SDHD: variants seen among roughly 807,000 people sequenced by gnomAD.
The protein encoded by SDHD is succinate dehydrogenase [ubiquinone] cytochrome b small subunit, mitochondrial.
SDHD carries 6 observed loss-of-function variants against 18.7 expected under a neutral mutation model. The observed-to-expected ratio is 0.32, with a 90% CI of 0.18 to 0.63. The LOEUF (loss-of-function observed/expected upper bound fraction) is 0.63, where lower values mean the gene tolerates loss of function less well. Ranked by LOEUF, SDHD falls within the 30% of genes least tolerant of loss-of-function variation. SDHD has a pLI of 0.79. For missense variants in SDHD, 160 were observed against 192.7 expected (o/e 0.83, Z 1.00); for synonymous variants, 56 against 73.9 (o/e 0.76, Z 1.24).
At position 112,087,908 on chromosome 11, in the gene SDHD, T is replaced by C. The variant is rs11547892; in HGVS notation, c.104T>C (p.Leu35Pro). ...AGACCTGCTCATATCTCAGCATTTC[T>C]TCAGGACCGACCTATCCCAGAATGG... ...VVRPAHISAF[L>P]QDRPIPEWCG... The change falls in exon 2 of 4, where the codon CTT becomes CCT. Residue 35 changes from leucine to proline, a missense_variant. Leu to Pro is a moderately conservative substitution (Grantham distance 98). Transcript: ENST00000375549. 1 of 1,614,108 alleles carries C rather than the reference T, an allele frequency of 6.2e-7. No individual in the cohort carries two copies. Among genetic ancestry groups the C allele is most frequent in the African/African-American group, 1.3e-5 (1 of 75,050 alleles).
chr11:112,091,033 T>C, intron 3 of SDHD: 1 of 847,858 alleles, frequency 1.2e-6, no homozygotes, highest in Non-Finnish European at 1.4e-6. Flanking sequence ...TAGGACTGGT[T>C]AGGAGAATGA....
chr11:112,091,431 C>T (rs1865744095), intron 3 of SDHD, among the ~76,000 whole-genome samples: 1 of 152,218 alleles, frequency 6.6e-6, no homozygotes, highest in South Asian at 2.1e-4. Flanking sequence ...CCAGATCCTT[C>T]TCCTCTTGTC....
intron 3 of SDHD, among the ~76,000 whole-genome samples, chr11:112,090,294 A>G (rs1865720444): frequency 6.6e-6 from 1 of 151,500 alleles, no homozygotes; most frequent in Non-Finnish European, 1.5e-5. Context: ...TATTTTTAGT[A>G]GAGACGGGGT....
chr11:112,092,128 C>T (rs759345995), intron 3 of SDHD, among the ~76,000 whole-genome samples: 2 of 151,982 alleles, frequency 1.3e-5, no homozygotes, highest in Non-Finnish European at 2.9e-5. Context: ...GGATAAATAC[C>T]TAATGCACGC....
At chr11:112,093,483 A>G (rs1347651297) in intron 3 of SDHD, among the ~76,000 whole-genome samples, 2 of 152,138 alleles carry the variant, frequency 1.3e-5, no homozygotes, top group African/African-American at 4.8e-5. Context: ...GGTAATGAGA[A>G]TGTTCTGGAA....
At chr11:112,094,731 G>C in intron 3 of SDHD, 74 bp from the exon 4 acceptor site, 6 of 1,373,140 alleles carry the variant, frequency 4.4e-6, no homozygotes, top group South Asian at 1.2e-5. Context: ...TTTTTTTGCA[G>C]CCAAGTTATC....
At chr11:112,087,780 C>G (rs577862853) in intron 1 of SDHD, 77 bp from the exon 2 acceptor site, 270 of 894,098 alleles carry the variant, frequency 3.0e-4, no homozygotes, top group South Asian at 5.9e-4. Context: ...AAGTAGCTTA[C>G]CTATGGTCAT....
intron 2 of SDHD, 119 bp from the exon 3 acceptor site, chr11:112,088,748 C>A: frequency 9.1e-7 from 1 of 1,101,032 alleles, no homozygotes; most frequent in Non-Finnish European, 1.4e-6. Context: ...TTCCTTTGTA[C>A]TCAGAGTTAT....
At chr11:112,087,236 C>T (rs954757882) in intron 1 of SDHD, among the ~76,000 whole-genome samples, 1 of 152,100 alleles carries the variant, frequency 6.6e-6, no homozygotes, top group African/African-American at 2.4e-5. Flanking sequence ...GTTTTCTCCC[C>T]GTTCACTGTC....
At position 112,088,945 on chromosome 11, in the gene SDHD, C is replaced by T. The variant is rs370165653; in HGVS notation, c.248C>T (p.Ala83Val). ...SVLLLGLLPA[A>V]YLNPCSAMDY... is the part of the protein sequence containing the mutation. ...TTGCTCCTGGGTCTGCTTCCGGCTG[C>T]TTATTTGAATCCTTGCTCTGCGATG... is the stretch of plus-strand genomic sequence containing the variant. Residue 83 changes from alanine to valine, a missense_variant, in exon 3 of 4, where the codon GCT becomes GTT. Coordinates refer to ENST00000375549, the MANE Select transcript of SDHD (RefSeq NM_003002.4). 2 of 1,613,978 alleles carry T rather than the reference C, an allele frequency of 1.2e-6. No individual in the cohort carries two copies. Among genetic ancestry groups the T allele is most frequent in the Non-Finnish European group, 1.7e-6 (2 of 1,180,024 alleles).
rs201475331 is a variant in SDHD, at chr11:112,095,294, T to C, written c.*324T>C. 1.1e-4 allele frequency: 44 copies of C among 405,604 alleles called. No homozygotes were observed. The highest frequency in any genetic ancestry group is 8.3e-4 in the African/African-American group (42 of 50,648). The allele number at this position is 405,604 out of a possible 1,614,324, so 25.1% of individuals were successfully genotyped here. On this transcript the variant is annotated 3_prime_UTR_variant, in exon 4 of 4. Coordinates refer to ENST00000375549, the MANE Select transcript of SDHD (RefSeq NM_003002.4). The stretch of plus-strand genomic sequence containing the variant: ...TCAATCTCTTAAAGAGAATCCAACT[T>C]TATTACGATTAGTATATGATCAAAC...
At chr11:112,094,713 A>G (rs1213426154) in intron 3 of SDHD, 92 bp from the exon 4 acceptor site, 1 of 1,168,606 alleles carries the variant, frequency 8.6e-7, no homozygotes, top group African/African-American at 1.5e-5. Flanking sequence ...TTTGAACTTG[A>G]CAGATTGTTT....
In SDHD at chr11:112,094,895, C is replaced by A. The variant is rs1555187606; in HGVS notation, c.405C>A (p.Thr135=). Residue 135 remains threonine, a synonymous_variant, in exon 4 of 4, where the codon ACC becomes ACA. Coordinates refer to ENST00000375549, the MANE Select transcript of SDHD (RefSeq NM_003002.4). ...GGCTTTTGGCACTTTCAGCTTTAAC[C>A]TTTGCTGGGCTTTGCTATTTCAACT... ...KAGLLALSAL[T]FAGLCYFNYH... is the part of the protein sequence containing the mutation. The A allele has an allele frequency of 4.3e-6, 7 of 1,611,348 alleles. No individual in the cohort carries two copies. The highest frequency in any genetic ancestry group is 5.9e-6 in the Non-Finnish European group (7 of 1,179,362).
At chr11:112,091,884 T>C (rs1188381442) in intron 3 of SDHD, among the ~76,000 whole-genome samples, 1 of 152,192 alleles carries the variant, frequency 6.6e-6, no homozygotes, top group Non-Finnish European at 1.5e-5. Flanking sequence ...CTGGCCAATA[T>C]GGTGAAACCT....
At chr11:112,090,921 C>G (rs1047136374) in intron 3 of SDHD, among the ~76,000 whole-genome samples, 10 of 152,130 alleles carry the variant, frequency 6.6e-5, no homozygotes, top group Admixed American at 2.0e-4. Context: ...GTCTTGGACT[C>G]CTGACCTCAA....
In SDHD at chr11:112,095,715, C is replaced by T. The variant is rs1865830903; in HGVS notation, c.*745C>T. On this transcript the variant is annotated 3_prime_UTR_variant, in exon 4 of 4. Coordinates refer to ENST00000375549, the MANE Select transcript of SDHD (RefSeq NM_003002.4). ...ATTGTTATTTTCGCACAATGGGAAT[C>T]TCTAATGTGAAAATGTATTCTATGA... The T allele has an allele frequency of 4.6e-6, 1 of 218,220 alleles. No individual in the cohort carries two copies. The highest frequency in any genetic ancestry group is 7.0e-5 in the East Asian group (1 of 14,220). 13.5% of individuals were successfully genotyped at this position (218,220 alleles called of 1,614,324 possible).
chr11:112,092,665 C>T (rs1372247188), intron 3 of SDHD, among the ~76,000 whole-genome samples: 2 of 152,160 alleles, frequency 1.3e-5, no homozygotes, highest in Non-Finnish European at 2.9e-5. Flanking sequence ...CGTGGTTCTG[C>T]TGGGAATATA....
At chr11:112,088,258 G>A in intron 2 of SDHD, 1 of 413,122 alleles carries the variant, frequency 2.4e-6, no homozygotes, top group East Asian at 5.2e-5. Flanking sequence ...GGAGTGCAGT[G>A]GTGCGATCTC....
chr11:112,089,169 C>A, intron 3 of SDHD, 158 bp downstream of exon 3: 1 of 696,666 alleles, frequency 1.4e-6, no homozygotes, highest in Non-Finnish European at 2.4e-6. Flanking sequence ...ATTTATATAT[C>A]TGCCTGCCTA....
Sources: gnomAD v4.1 joint callset for allele counts (sites outside exome capture counted in the v4.1 genomes callset) on GRCh38, gnomAD v4.1.1 for gene constraint, MANE v1.5 for transcripts, NCBI Gene and HGNC (gene_info 2026-07-23, HGNC 2026-07-21) for gene names.